The following SPIRE1 variants were observed in gnomAD, a reference collection of about 807,000 sequenced individuals.
The protein encoded by SPIRE1 is spire type actin nucleation factor 1, also known as protein spire homolog 1.
In SPIRE1, 40 loss-of-function variants were observed where a neutral mutation model predicts 94.1. The observed-to-expected ratio is 0.43, with a 90% confidence interval of 0.33 to 0.55. SPIRE1 has a LOEUF of 0.55. Among genes scored for constraint, SPIRE1 ranks in the 20% least tolerant of loss-of-function variants. The probability of loss-of-function intolerance (pLI) is 0.06; values close to 1 mark genes in which losing one functional copy is unlikely to be tolerated. For missense variants in SPIRE1, 838 were observed against 975.2 expected, an observed-to-expected ratio of 0.86 and a Z score of 1.87; for synonymous variants, 376 against 371.7, an observed-to-expected ratio of 1.01 and a Z score of -0.13.
intron 2 of SPIRE1, among the ~76,000 whole-genome samples, chr18:12,581,779 G>A (rs535440407): frequency 2.0e-5 from 3 of 152,074 alleles, no homozygotes; most frequent in African/African-American, 4.8e-5. Context: ...CATGAGAATC[G>A]CTAGAACCCA....
intron 4 of SPIRE1, among the ~76,000 whole-genome samples, chr18:12,531,240 C>A (rs7239238): frequency 6.6e-6 from 1 of 152,084 alleles, no homozygotes; most frequent in African/African-American, 2.4e-5. Context: ...GGTACCCCCC[C>A]ATCCCATTTA....
chr18:12,468,358 G>A (rs2032207523), intron 10 of SPIRE1, among the ~76,000 whole-genome samples: 1 of 152,224 alleles, frequency 6.6e-6, no homozygotes, highest in Admixed American at 6.5e-5. Context: ...TACATGCGAT[G>A]TGGTCCTCTC....
chr18:12,604,572 T>C (rs535818435), intron 2 of SPIRE1, among the ~76,000 whole-genome samples: 1 of 152,302 alleles, frequency 6.6e-6, no homozygotes, highest in South Asian at 2.1e-4. Flanking sequence ...TGAGTTGACA[T>C]GATGGCCTCC....
chr18:12,453,863 C>T (rs371068093), intron 13 of SPIRE1, among the ~76,000 whole-genome samples: 9 of 152,074 alleles, frequency 5.9e-5, no homozygotes, highest in African/African-American at 2.2e-4. Flanking sequence ...CAGCTCACTG[C>T]AACCTCCACC....
intron 6 of SPIRE1, among the ~76,000 whole-genome samples, chr18:12,501,217 T>TA (rs1176566978): frequency 1.3e-5 from 2 of 150,966 alleles, no homozygotes; most frequent in Non-Finnish European, 2.9e-5. Context: ...ATGCATGAAA[T>TA]ATCCAGAATA....
At chr18:12,576,604 A>G in intron 2 of SPIRE1, among the ~76,000 whole-genome samples, 1 of 150,278 alleles carries the variant, frequency 6.7e-6, no homozygotes. Flanking sequence ...AAAAAAAAAA[A>G]AAAGACGGGG....
At chr18:12,631,041 C>A (rs1324188552) in intron 2 of SPIRE1, among the ~76,000 whole-genome samples, 1 of 152,148 alleles carries the variant, frequency 6.6e-6, no homozygotes, top group Non-Finnish European at 1.5e-5. Context: ...ACCCATATGG[C>A]AAGGATGCCT....
At chr18:12,455,861 T>G (rs750369277) in intron 12 of SPIRE1, among the ~76,000 whole-genome samples, 1 of 152,202 alleles carries the variant, frequency 6.6e-6, no homozygotes, top group Non-Finnish European at 1.5e-5. Context: ...GCAGTCAGTT[T>G]ATGGAGTTTT....
chr18:12,615,453 T>C (rs2037277463), intron 2 of SPIRE1, among the ~76,000 whole-genome samples: 2 of 138,048 alleles, frequency 1.4e-5, no homozygotes, highest in African/African-American at 5.2e-5. Context: ...GGTAGGAGAA[T>C]TGCTTGAACC....
intron 2 of SPIRE1, among the ~76,000 whole-genome samples, chr18:12,555,546 T>C (rs570424503): frequency 6.6e-6 from 1 of 152,240 alleles, no homozygotes; most frequent in South Asian, 2.1e-4. Flanking sequence ...ACACATCATA[T>C]CAACAGAATG....
Position 12,568,540 on chromosome 18 carries a change from T to C in SPIRE1, c.373-21636A>G, listed in dbSNP as rs138092820. On this transcript the variant is annotated intron_variant, in intron 2 of 16. Coordinates refer to ENST00000409402, the MANE Select transcript of SPIRE1 (RefSeq NM_001128626.2). The stretch of plus-strand genomic sequence containing the variant: ...GATTCTACCATCGCATCACAATCTC[T>C]ATGAATTAATGAAAACAACTATTTT... 1.8e-3 allele frequency among the ~76,000 whole-genome samples: 275 copies of C among 152,340 alleles called. 1 individual carries two copies. The highest frequency in any genetic ancestry group is 6.4e-3 in the African/African-American group (266 of 41,572).
intron 1 of SPIRE1, among the ~76,000 whole-genome samples, chr18:12,649,654 TGC>T (rs2144886119): frequency 2.6e-5 from 4 of 152,156 alleles, no homozygotes; most frequent in African/African-American, 9.6e-5. Flanking sequence ...ACAAGCAGAG[TGC>T]AACTCATCAT....
chr18:12,574,802 T>A (rs1311308767), intron 2 of SPIRE1, among the ~76,000 whole-genome samples: 2 of 151,968 alleles, frequency 1.3e-5, no homozygotes, highest in Non-Finnish European at 2.9e-5. Flanking sequence ...GGAGCAACAG[T>A]GTTGGGAAAG....
chr18:12,650,818 G>A (rs1281006534), intron 1 of SPIRE1, among the ~76,000 whole-genome samples: 2 of 149,544 alleles, frequency 1.3e-5, no homozygotes, highest in Non-Finnish European at 3.0e-5. Context: ...GGTCAAAGCT[G>A]CAGTGAGCCG....
intron 2 of SPIRE1, among the ~76,000 whole-genome samples, chr18:12,593,096 G>C (rs576963010): frequency 1.3e-5 from 2 of 152,310 alleles, no homozygotes; most frequent in South Asian, 2.1e-4. Flanking sequence ...AAAGCTTTTA[G>C]CTTCATGCTA....
chr18:12,590,254 A>AT (rs1469044014), intron 2 of SPIRE1, among the ~76,000 whole-genome samples: 1 of 151,892 alleles, frequency 6.6e-6, no homozygotes, highest in Non-Finnish European at 1.5e-5. Flanking sequence ...CGCCTGGCTC[A>AT]TTTTTTTGTA....
At chr18:12,526,157 T>C (rs1011781487) in intron 4 of SPIRE1, among the ~76,000 whole-genome samples, 3 of 150,690 alleles carry the variant, frequency 2.0e-5, no homozygotes, top group African/African-American at 4.9e-5. Flanking sequence ...CTATAGACTC[T>C]TCTGGTGCAT....
chr18:12,476,234 T>C (rs1375956277), intron 10 of SPIRE1, among the ~76,000 whole-genome samples: 2 of 152,164 alleles, frequency 1.3e-5, no homozygotes, highest in Non-Finnish European at 2.9e-5. Context: ...AATGTTAACA[T>C]ATGAATACAT....
At chr18:12,650,348 C>T (rs2038343075) in intron 1 of SPIRE1, among the ~76,000 whole-genome samples, 1 of 152,012 alleles carries the variant, frequency 6.6e-6, no homozygotes, top group South Asian at 2.1e-4. Context: ...CACTTGAGCC[C>T]AGAAGTTCCA....
Sources: gnomAD v4.1 joint callset for allele counts (sites outside exome capture counted in the v4.1 genomes callset) on GRCh38, gnomAD v4.1.1 for gene constraint, MANE v1.5 for transcripts, NCBI Gene and HGNC (gene_info 2026-07-23, HGNC 2026-07-21) for gene names.